The following CNTLN variants were observed in gnomAD, a reference collection of about 807,000 sequenced individuals.
CNTLN encodes the protein centlein.
CNTLN carries 212 observed loss-of-function variants against 180.0 expected under a neutral mutation model. The ratio of observed to expected loss-of-function variants is 1.18; its 90% confidence interval spans 1.05 to 1.32. The LOEUF (loss-of-function observed/expected upper bound fraction) is 1.32, where lower values mean the gene tolerates loss of function less well. Ranked by LOEUF, CNTLN falls within the 40% of genes most tolerant of loss-of-function variation. CNTLN has a pLI of 0.00. For missense variants in CNTLN, 2,095 were observed against 1,610.9 expected, an observed-to-expected ratio of 1.30 and a Z score of -5.14; for synonymous variants, 722 against 563.1, an observed-to-expected ratio of 1.28 and a Z score of -3.99.
chr9:17,332,344 T>A (rs1030776560), intron 9 of CNTLN, among the ~76,000 whole-genome samples: 4 of 152,080 alleles, frequency 2.6e-5, no homozygotes. Context: ...TATAACCCTT[T>A]AGTCTTCCCT....
chr9:17,385,547 C>G (rs1357085237), intron 13 of CNTLN, among the ~76,000 whole-genome samples: 1 of 152,026 alleles, frequency 6.6e-6, no homozygotes, highest in East Asian at 1.9e-4. Context: ...TCAAGAAATT[C>G]CAAAGGTTTT....
intron 23 of CNTLN, among the ~76,000 whole-genome samples, chr9:17,476,029 A>AT (rs1045643540): frequency 6.0e-5 from 9 of 150,240 alleles, no homozygotes; most frequent in African/African-American, 1.2e-4. Context: ...TGCCAGCTCT[A>AT]TTTTTTTTTC....
chr9:17,145,298 A>G (rs1051457595), intron 2 of CNTLN, among the ~76,000 whole-genome samples: 1 of 152,228 alleles, frequency 6.6e-6, no homozygotes. Flanking sequence ...TTTTGAGTCT[A>G]TTTTTGAAAT....
At chr9:17,315,338 G>A (rs933221553) in intron 8 of CNTLN, among the ~76,000 whole-genome samples, 4 of 151,984 alleles carry the variant, frequency 2.6e-5, no homozygotes, top group African/African-American at 9.7e-5. Flanking sequence ...TATTGAGAAG[G>A]CATGTCTCTT....
At chr9:17,366,134 T>G (rs917354139) in intron 12 of CNTLN, among the ~76,000 whole-genome samples, 1 of 152,136 alleles carries the variant, frequency 6.6e-6, no homozygotes, top group Non-Finnish European at 1.5e-5. Flanking sequence ...TTACTATTTT[T>G]TATTTTATGG....
chr9:17,343,496 G>A (rs1821640294), intron 12 of CNTLN, among the ~76,000 whole-genome samples: 1 of 152,132 alleles, frequency 6.6e-6, no homozygotes, highest in Admixed American at 6.6e-5. Flanking sequence ...TTGAGGAAAT[G>A]ACTAGACCAT....
chr9:17,294,623 G>T (rs1817672222), intron 6 of CNTLN, among the ~76,000 whole-genome samples: 1 of 150,000 alleles, frequency 6.7e-6, no homozygotes, highest in African/African-American at 2.5e-5. Context: ...GCTTCACCCA[G>T]TGTATCCCGC....
chr9:17,289,441 A>AT (rs1829215896), intron 6 of CNTLN, among the ~76,000 whole-genome samples: 1 of 125,352 alleles, frequency 8.0e-6, no homozygotes, highest in African/African-American at 3.6e-5. Context: ...TGCCCTTAAC[A>AT]TTTTTTCCTT....
intron 2 of CNTLN, among the ~76,000 whole-genome samples, chr9:17,194,627 C>T (rs929935436): frequency 1.6e-4 from 24 of 152,150 alleles, no homozygotes; most frequent in African/African-American, 4.8e-4. Flanking sequence ...TAGGAAGTTC[C>T]AAACTTTCCC....
At chr9:17,487,519 C>A (rs2499053) in intron 25 of CNTLN, among the ~76,000 whole-genome samples, 6 of 152,056 alleles carry the variant, frequency 3.9e-5, no homozygotes, top group Non-Finnish European at 8.8e-5. Flanking sequence ...TGTGTCTTCC[C>A]GCATTCTCTA....
At chr9:17,265,025 C>T (rs56831316) in intron 5 of CNTLN, among the ~76,000 whole-genome samples, 13,191 of 140,764 alleles carry the variant, frequency 0.094, 667 homozygotes, top group African/African-American at 0.17. Flanking sequence ...AATTGAATAC[C>T]CTTTATTTCC....
rs2133514238 is a variant in CNTLN at position 17,373,786 on chromosome 9, C to T, written c.1987+7069C>T. Among the ~76,000 whole-genome samples the T allele has an allele frequency of 1.3e-5, 2 of 152,222 alleles. 1 individual carries two copies. On this transcript the variant is annotated intron_variant, in intron 13 of 25. Transcript: ENST00000380647. ...AAAATTGACACATAGACCAATAGAA[C>T]CTAACAGACAACCCAGAAATATATT...
intron 6 of CNTLN, among the ~76,000 whole-genome samples, chr9:17,280,510 G>A (rs188023648): frequency 1.3e-5 from 2 of 152,072 alleles, no homozygotes; most frequent in African/African-American, 4.8e-5. Context: ...CCTGAGTCAC[G>A]GATTACATAC....
At chr9:17,307,934 T>G (rs1432358714) in intron 7 of CNTLN, among the ~76,000 whole-genome samples, 1 of 151,562 alleles carries the variant, frequency 6.6e-6, no homozygotes, top group Non-Finnish European at 1.5e-5. Context: ...TTTGAGGGTT[T>G]TGCTCTTATT....
At chr9:17,414,870 A>C (rs934406610) in intron 16 of CNTLN, among the ~76,000 whole-genome samples, 1 of 152,194 alleles carries the variant, frequency 6.6e-6, no homozygotes, top group African/African-American at 2.4e-5. Flanking sequence ...CGAGTGGCTC[A>C]CTGGATACCA....
Position 17,500,993 on chromosome 9 carries a change from G to A in CNTLN, c.4120-1558G>A, listed in dbSNP as rs976433328. On this transcript the variant is annotated intron_variant, in intron 25 of 25. Coordinates refer to ENST00000380647, the MANE Select transcript of CNTLN (RefSeq NM_017738.4). Reference sequence around the variant, plus strand: ...GCTTTTATCATTATCCTCCATAAGAGAACTGATCATATTCTTTTTGCTTAT... The same window carrying A: ...GCTTTTATCATTATCCTCCATAAGAAAACTGATCATATTCTTTTTGCTTAT... Among the ~76,000 whole-genome samples, 7 of 152,254 alleles carry A rather than the reference G, an allele frequency of 4.6e-5. No individual in the cohort carries two copies. The East Asian group carries it at 7.7e-4, about 17-fold the overall frequency.
At chr9:17,416,952 C>G (rs1331085528) in intron 18 of CNTLN, among the ~76,000 whole-genome samples, 2 of 152,096 alleles carry the variant, frequency 1.3e-5, no homozygotes, top group Non-Finnish European at 2.9e-5. Flanking sequence ...CTTAAATTCT[C>G]TAATTCTAGT....
intron 5 of CNTLN, among the ~76,000 whole-genome samples, chr9:17,265,252 C>A (rs866134023): frequency 6.6e-6 from 1 of 151,162 alleles, no homozygotes; most frequent in Non-Finnish European, 1.5e-5. Flanking sequence ...TAGCATGAAG[C>A]ATTGTTGAAT....
intron 12 of CNTLN, among the ~76,000 whole-genome samples, chr9:17,354,512 T>C (rs532416902): frequency 1.3e-5 from 2 of 152,246 alleles, no homozygotes; most frequent in East Asian, 3.9e-4. Context: ...CTCAGCACCC[T>C]GTGTTTAGCT....
Sources: gnomAD v4.1 joint callset for allele counts (sites outside exome capture counted in the v4.1 genomes callset) on GRCh38, gnomAD v4.1.1 for gene constraint, MANE v1.5 for transcripts, NCBI Gene and HGNC (gene_info 2026-07-23, HGNC 2026-07-21) for gene names.